Variants in DCLK2 observed in about 807,000 individuals in gnomAD.
DCLK2 encodes the protein doublecortin like kinase 2.
In DCLK2, 31 loss-of-function variants were observed where a neutral mutation model predicts 78.4. That is an observed-to-expected ratio of 0.40 (90% confidence interval 0.30 to 0.53). The LOEUF (loss-of-function observed/expected upper bound fraction) is 0.53. Ranked by LOEUF, DCLK2 falls within the 20% of genes least tolerant of loss-of-function variation. The pLI is 0.61. For missense variants in DCLK2, 872 were observed against 973.7 expected (o/e 0.90, Z 1.39); for synonymous variants, 407 against 374.9 (o/e 1.09, Z -0.99).
At chr4:150,185,829 C>T (rs1355644431) in intron 2 of DCLK2, among the ~76,000 whole-genome samples, 1 of 152,102 alleles carries the variant, frequency 6.6e-6, no homozygotes, top group African/African-American at 2.4e-5. Flanking sequence ...CAAGCTGTTA[C>T]GAGCTAGCAC....
chr4:150,221,679 G>A lies in DCLK2; in HGVS notation c.1135G>A (p.Val379Met). ...ATTTGCATTTATCCTTTTTGCAGGT[G>A]TGAATGGAAACAGATGCTCTGAATC... The part of the protein sequence containing the change: ...ELDRCISPEG[V>M]NGNRCSESST... Residue 379 changes from valine to methionine, a missense_variant and splice_region_variant, in exon 7 of 16, where the codon GTG (valine) becomes ATG (methionine). Coordinates refer to ENST00000296550, the MANE Select transcript of DCLK2 (RefSeq NM_001040260.4). 1 of 1,590,502 alleles carries A rather than the reference G, an allele frequency of 6.3e-7. No homozygotes were observed. Among genetic ancestry groups the A allele is most frequent in the South Asian group, 1.2e-5 (1 of 84,944 alleles).
chr4:150,147,607 A>T (rs2150223572), intron 2 of DCLK2, among the ~76,000 whole-genome samples: 1 of 152,298 alleles, frequency 6.6e-6, no homozygotes, highest in East Asian at 1.9e-4. Flanking sequence ...ATTCCTTATA[A>T]TGTAAATTGT....
intron 8 of DCLK2, 122 bp from the exon 9 acceptor site, chr4:150,232,215 C>G (rs1046120172): frequency 1.6e-6 from 2 of 1,268,968 alleles, no homozygotes; most frequent in Admixed American, 4.4e-5. Flanking sequence ...GTCTTTGTGC[C>G]AAGAGCAATG....
intron 2 of DCLK2, among the ~76,000 whole-genome samples, chr4:150,178,531 A>G (rs958548400): frequency 4.4e-3 from 10 of 2,254 alleles, no homozygotes; most frequent in Non-Finnish European, 0.014. Flanking sequence ...GCTCTAGGGA[A>G]AAAAAAAAAA....
intron 1 of DCLK2, among the ~76,000 whole-genome samples, chr4:150,098,647 C>G (rs1309795063): frequency 6.9e-6 from 1 of 144,482 alleles, no homozygotes; most frequent in South Asian, 2.2e-4. Flanking sequence ...TTTTAACATA[C>G]GTTGGCAAGA....
intron 2 of DCLK2, among the ~76,000 whole-genome samples, chr4:150,131,786 C>G (rs929014521): frequency 6.6e-6 from 1 of 152,112 alleles, no homozygotes; most frequent in African/African-American, 2.4e-5. Flanking sequence ...TGTTCCTTCC[C>G]TGGGTAATGT....
Position 150,256,443 on chromosome 4 carries a change from T to C in DCLK2, c.*196T>C. ...TGGTGCTCTGGGCTCTGCCTTCTGGTTCCTGGAGGCATCAAAGGCTGCATC... is the reference window on the plus strand; with the variant it reads ...TGGTGCTCTGGGCTCTGCCTTCTGGCTCCTGGAGGCATCAAAGGCTGCATC... On this transcript the variant is annotated 3_prime_UTR_variant, in exon 16 of 16. Coordinates refer to ENST00000296550, the MANE Select transcript of DCLK2 (RefSeq NM_001040260.4). 1 of 657,878 alleles carries C rather than the reference T, an allele frequency of 1.5e-6. No individual in the cohort carries two copies. The highest frequency in any genetic ancestry group is 2.4e-6 in the Non-Finnish European group (1 of 411,304). 40.8% of individuals were successfully genotyped at this position (657,878 alleles called of 1,614,324 possible).
At chr4:150,156,320 G>A (rs1205596572) in intron 2 of DCLK2, among the ~76,000 whole-genome samples, 2 of 151,996 alleles carry the variant, frequency 1.3e-5, no homozygotes, top group Admixed American at 1.3e-4. Flanking sequence ...AGGACACACT[G>A]ACCCTGTGTA....
At chr4:150,154,528 G>A (rs1735121741) in intron 2 of DCLK2, among the ~76,000 whole-genome samples, 1 of 152,132 alleles carries the variant, frequency 6.6e-6, no homozygotes. Context: ...TTTAGATCCA[G>A]TATGAATTTC....
intron 2 of DCLK2, among the ~76,000 whole-genome samples, chr4:150,147,816 A>G (rs999204042): frequency 4.6e-5 from 7 of 152,196 alleles, no homozygotes; most frequent in African/African-American, 1.7e-4. Flanking sequence ...TTTTAGTCCT[A>G]TTTTTACTTT....
At chr4:150,167,672 G>A (rs914625068) in intron 2 of DCLK2, among the ~76,000 whole-genome samples, 8 of 152,148 alleles carry the variant, frequency 5.3e-5, no homozygotes, top group African/African-American at 1.7e-4. Flanking sequence ...CGACCATCAA[G>A]TGATGGTCAG....
chr4:150,256,581 G>A lies in DCLK2; in HGVS notation c.*334G>A, dbSNP rs1047176024. 8.6e-5 allele frequency: 25 copies of A among 289,868 alleles called. No homozygotes were observed. The highest frequency in any genetic ancestry group is 1.5e-4 in the Non-Finnish European group (23 of 157,794). The allele number at this position is 289,868 out of a possible 1,614,324, so 18.0% of individuals were successfully genotyped here. Reference sequence around the variant, plus strand: ...AATGTGCAACTTTATTCCAGCATTCGATGCATTTTTATAGAAACACTTTGG... The same window carrying A: ...AATGTGCAACTTTATTCCAGCATTCAATGCATTTTTATAGAAACACTTTGG... On this transcript the variant is annotated 3_prime_UTR_variant, in exon 16 of 16. Coordinates refer to ENST00000296550, the MANE Select transcript of DCLK2 (RefSeq NM_001040260.4).
chr4:150,175,987 G>A (rs1039439994), intron 2 of DCLK2, among the ~76,000 whole-genome samples: 2 of 152,162 alleles, frequency 1.3e-5, no homozygotes, highest in Non-Finnish European at 1.5e-5. Context: ...TCTTTAAATC[G>A]TGTAAGTTGC....
intron 3 of DCLK2, among the ~76,000 whole-genome samples, chr4:150,195,360 TATATTATATA>T (rs1738888276): frequency 1.1e-4 from 1 of 8,918 alleles, no homozygotes; most frequent in East Asian, 1.4e-3. Context: ...ATATATTATA[TATATTATATA>T]ATATTATATA....
At chr4:150,118,226 G>T (rs138509224) in intron 2 of DCLK2, among the ~76,000 whole-genome samples, 1 of 152,164 alleles carries the variant, frequency 6.6e-6, no homozygotes, top group African/African-American at 2.4e-5. Flanking sequence ...AATGACGAGG[G>T]ACAGGTCAAA....
intron 2 of DCLK2, among the ~76,000 whole-genome samples, chr4:150,104,036 G>T (rs1731063072): frequency 6.6e-6 from 1 of 151,880 alleles, no homozygotes; most frequent in African/African-American, 2.4e-5. Flanking sequence ...TCAAATAGTT[G>T]ATTCTTGATG....
chr4:150,224,964 A>G (rs1741486576), intron 8 of DCLK2, among the ~76,000 whole-genome samples: 2 of 152,332 alleles, frequency 1.3e-5, no homozygotes, highest in South Asian at 2.1e-4. Context: ...CTGACACAGC[A>G]GGTAGCATGA....
At chr4:150,095,975 G>A (rs1460730566) in intron 1 of DCLK2, among the ~76,000 whole-genome samples, 1 of 152,270 alleles carries the variant, frequency 6.6e-6, no homozygotes, top group Admixed American at 6.5e-5. Flanking sequence ...GAGGCTGGAA[G>A]TGTGTGATGT....
intron 7 of DCLK2, among the ~76,000 whole-genome samples, chr4:150,224,060 C>T (rs1333198535): frequency 6.6e-6 from 1 of 151,976 alleles, no homozygotes; most frequent in Non-Finnish European, 1.5e-5. Flanking sequence ...CTATTTCCTG[C>T]CTCTCCCTGA....
Sources: allele counts gnomAD v4.1 joint callset (sites outside exome capture counted in the v4.1 genomes callset), GRCh38; gene constraint gnomAD v4.1.1; transcripts MANE v1.5; gene names NCBI Gene and HGNC (gene_info 2026-07-23, HGNC 2026-07-21).